Variants in CSMD1 observed in about 807,000 individuals in gnomAD.
CSMD1 encodes the protein CUB and sushi domain-containing protein 1.
A neutral mutation model predicts 417.5 loss-of-function variants in CSMD1; 213 were observed. That is an observed-to-expected ratio of 0.51 (90% CI 0.46 to 0.57). The LOEUF is 0.57. Ranked by LOEUF, CSMD1 falls within the 20% of genes least tolerant of loss-of-function variation. The pLI is 0.00. For synonymous variants in CSMD1, 2,862 were observed against 1,736.8 expected, an observed-to-expected ratio of 1.65 and a Z score of -16.11; for missense variants, 6,923 against 4,529.7, an observed-to-expected ratio of 1.53 and a Z score of -15.17.
intron 1 of CSMD1, among the ~76,000 whole-genome samples, chr8:4,638,999 G>C: frequency 6.6e-6 from 1 of 152,086 alleles, no homozygotes; most frequent in East Asian, 1.9e-4. Flanking sequence ...AGAACCAAGC[G>C]CTGAAAGAAC....
intron 2 of CSMD1, among the ~76,000 whole-genome samples, chr8:4,442,683 G>A (rs1339598948): frequency 3.3e-5 from 5 of 152,150 alleles, no homozygotes; most frequent in African/African-American, 4.8e-5. Flanking sequence ...CTTATTCAAT[G>A]TCTCCGAAAA....
chr8:4,811,901 T>A (rs996210902), intron 1 of CSMD1, among the ~76,000 whole-genome samples: 4 of 152,258 alleles, frequency 2.6e-5, no homozygotes, highest in South Asian at 2.1e-4. Context: ...CCCTAATGAA[T>A]TGACTGTTTC....
chr8:4,887,135 C>A (rs1357455316), intron 1 of CSMD1, among the ~76,000 whole-genome samples: 1 of 151,936 alleles, frequency 6.6e-6, no homozygotes, highest in East Asian at 1.9e-4. Context: ...CATCTAAGCC[C>A]AGTTTTACCT....
At position 4,231,106 on chromosome 8, in the gene CSMD1, G is replaced by C. The variant is rs142856774; in HGVS notation, c.415+188847C>G. 6.3e-3 allele frequency among the ~76,000 whole-genome samples: 954 copies of C among 152,252 alleles called. 44 individuals carry two copies. Among genetic ancestry groups the C allele is most frequent in the Admixed American group, 0.056 (859 of 15,294 alleles). ...CCTAAATTAAGCATTTCTCCACCAA[G>C]GATATATGTTGAACTACAGAAGAGT... is the stretch of plus-strand genomic sequence containing the variant. On this transcript the variant is annotated intron_variant, in intron 3 of 69. Coordinates refer to ENST00000635120, the MANE Select transcript of CSMD1 (RefSeq NM_033225.6).
intron 1 of CSMD1, among the ~76,000 whole-genome samples, chr8:4,899,886 T>C (rs759166164): frequency 9.2e-5 from 14 of 152,166 alleles, no homozygotes; most frequent in Non-Finnish European, 2.1e-4. Context: ...GGGACAAGCC[T>C]TTCAGCTGCT....
chr8:3,582,539 G>A lies in CSMD1; in HGVS notation c.1222+3597C>T, dbSNP rs989704018. On this transcript the variant is annotated intron_variant, in intron 9 of 69. Coordinates refer to ENST00000635120, the MANE Select transcript of CSMD1 (RefSeq NM_033225.6). ...AAGGGTGTTGATGGTTTTTCATAGT[G>A]AGGAAGAAAATCATAACTGTAAATG... 7.2e-5 allele frequency among the ~76,000 whole-genome samples: 11 copies of A among 152,136 alleles called. No individual in the cohort carries two copies. In the South Asian group the frequency reaches 1.9e-3, roughly 26 times the overall value.
At chr8:3,670,358 G>T (rs1197014502) in intron 7 of CSMD1, among the ~76,000 whole-genome samples, 1 of 151,798 alleles carries the variant, frequency 6.6e-6, no homozygotes, top group Admixed American at 6.6e-5. Flanking sequence ...ACTCGGGCTG[G>T]CTCTCCTTGC....
chr8:4,128,066 C>G lies in CSMD1; in HGVS notation c.416-95967G>C, dbSNP rs142794126. ...TTTATAACATCTCAAGAGCAGTGGA[C>G]AAGACCTCAAAATGGTTCCTCAACA... is the stretch of plus-strand genomic sequence containing the variant. On this transcript the variant is annotated intron_variant, in intron 3 of 69. Coordinates refer to ENST00000635120, the MANE Select transcript of CSMD1 (RefSeq NM_033225.6). 1.1e-4 allele frequency among the ~76,000 whole-genome samples: 16 copies of G among 152,296 alleles called. No homozygotes were observed. The East Asian group carries it at 2.9e-3, about 28-fold the overall frequency.
chr8:3,319,794 T>G (rs1336135632), intron 23 of CSMD1, among the ~76,000 whole-genome samples: 1 of 152,188 alleles, frequency 6.6e-6, no homozygotes, highest in Non-Finnish European at 1.5e-5. Context: ...TCTTCATTAG[T>G]AGTGTAGGTT....
Position 3,616,808 on chromosome 8 carries a change from C to T in CSMD1, c.1010-11G>A, listed in dbSNP as rs1219281059. The T allele has an allele frequency of 4.4e-6, 7 of 1,591,602 alleles. No individual in the cohort carries two copies. Among genetic ancestry groups the T allele is most frequent in the African/African-American group, 1.3e-5 (1 of 74,434 alleles). ...CACCTCCTTGGCTCACTGTAATAGA[C>T]AGAAACATTGTCAAAATGCTGTATA... On this transcript the variant is annotated splice_polypyrimidine_tract_variant and intron_variant, in intron 7 of 69. Coordinates refer to ENST00000635120, the MANE Select transcript of CSMD1 (RefSeq NM_033225.6).
At chr8:4,188,103 C>T (rs1003053698) in intron 3 of CSMD1, among the ~76,000 whole-genome samples, 2 of 152,062 alleles carry the variant, frequency 1.3e-5, no homozygotes, top group East Asian at 1.9e-4. Context: ...GGATGCACGA[C>T]ATGTAATTAA....
chr8:3,856,168 T>C (rs1051883613), intron 5 of CSMD1, among the ~76,000 whole-genome samples: 1 of 152,020 alleles, frequency 6.6e-6, no homozygotes, highest in Non-Finnish European at 1.5e-5. Flanking sequence ...TGGTTTGTAA[T>C]GGTTTAGCAC....
chr8:4,968,805 T>C lies in CSMD1; in HGVS notation c.85+25527A>G, dbSNP rs1810049555. On this transcript the variant is annotated intron_variant, in intron 1 of 69. Transcript: ENST00000635120. ...AATAAAAAAAGGAAAGTCTGGCAGT[T>C]GCATCTCTTCTGCCATTTCCCAACC... Among the ~76,000 whole-genome samples, 3 of 152,170 alleles carry C rather than the reference T, an allele frequency of 2.0e-5. No homozygotes were observed. The South Asian group carries it at 6.2e-4, about 32-fold the overall frequency.
At chr8:3,789,427 TG>T (rs1799612600) in intron 5 of CSMD1, among the ~76,000 whole-genome samples, 3 of 117,742 alleles carry the variant, frequency 2.5e-5, no homozygotes, top group African/African-American at 6.5e-5. Context: ...TTTTAAGTAG[TG>T]TTTTTTTTTA....
At chr8:3,111,851 G>C (rs891945158) in intron 42 of CSMD1, among the ~76,000 whole-genome samples, 2 of 151,738 alleles carry the variant, frequency 1.3e-5, no homozygotes, top group South Asian at 4.2e-4. Flanking sequence ...AATAATAATG[G>C]GACCATAAAC....
At chr8:4,694,264 T>C (rs1806968633) in intron 1 of CSMD1, among the ~76,000 whole-genome samples, 1 of 152,062 alleles carries the variant, frequency 6.6e-6, no homozygotes, top group African/African-American at 2.4e-5. Flanking sequence ...GCTTGTCTCC[T>C]ATCTACCTAT....
chr8:3,641,866 A>T (rs1797323940), intron 7 of CSMD1, among the ~76,000 whole-genome samples: 1 of 152,178 alleles, frequency 6.6e-6, no homozygotes, highest in Non-Finnish European at 1.5e-5. Context: ...GGTACAGCTA[A>T]CTTCATATAA....
intron 1 of CSMD1, among the ~76,000 whole-genome samples, chr8:4,804,603 C>A (rs938426326): frequency 6.6e-6 from 1 of 151,048 alleles, no homozygotes. Context: ...AAGGAAAGTA[C>A]GAAGGAAGAC....
At chr8:3,130,050 C>T (rs1817713128) in intron 41 of CSMD1, among the ~76,000 whole-genome samples, 1 of 151,962 alleles carries the variant, frequency 6.6e-6, no homozygotes, top group East Asian at 1.9e-4. Flanking sequence ...GGGAGACTTG[C>T]AAGTGCTTGG....
Sources: allele counts gnomAD v4.1 joint callset (sites outside exome capture counted in the v4.1 genomes callset), GRCh38; gene constraint gnomAD v4.1.1; transcripts MANE v1.5; gene names NCBI Gene and HGNC (gene_info 2026-07-23, HGNC 2026-07-21).